The following PCDHGA2 variants were observed in gnomAD, a reference collection of about 807,000 sequenced individuals.
PCDHGA2 encodes protocadherin gamma-A2.
Under a neutral mutation model 59.2 loss-of-function variants are expected in PCDHGA2, and 40 were observed. That is an observed-to-expected ratio of 0.68 (90% CI 0.52 to 0.88). The LOEUF is 0.88. Among genes scored for constraint, PCDHGA2 ranks in the 40% least tolerant of loss-of-function variants. The pLI, the probability that PCDHGA2 is intolerant of heterozygous loss-of-function variation, is 0.00. For missense variants in PCDHGA2, 1,226 were observed against 1,204.0 expected (o/e 1.02, Z -0.27); for synonymous variants, 560 against 526.0 (o/e 1.06, Z -0.89).
chr5:141,374,327 G>C (rs766746841), intron 1 of PCDHGA2: 24 of 1,613,984 alleles, frequency 1.5e-5, no homozygotes, highest in Non-Finnish European at 2.0e-5. Context: ...TCCGCGAAAC[G>C]GCAGCTTGGT....
intron 1 of PCDHGA2, among the ~76,000 whole-genome samples, chr5:141,453,288 ATTAT>A (rs577328880): frequency 4.0e-5 from 6 of 151,342 alleles, no homozygotes; most frequent in Admixed American, 1.3e-4. Context: ...TAATTTTTTA[ATTAT>A]TTATTTATTT....
At chr5:141,400,929 A>G (rs1179035412) in intron 1 of PCDHGA2, among the ~76,000 whole-genome samples, 2 of 152,214 alleles carry the variant, frequency 1.3e-5, no homozygotes, top group Non-Finnish European at 2.9e-5. Flanking sequence ...CTGCTAGTAG[A>G]TGTCTTTCTT....
rs61749024 is a variant in PCDHGA2 at position 141,340,976 on chromosome 5, C to T, written c.2005C>T (p.Pro669Ser). 27,203 of 1,613,832 alleles carry T rather than the reference C, an allele frequency of 0.017. 1,549 individuals are homozygous for T. The highest frequency in any genetic ancestry group is 0.16 in the Admixed American group (9,718 of 60,028). ...TLTVAVADRIPDILADLGSLE... is the reference protein window; with the variant it reads ...TLTVAVADRISDILADLGSLE... The stretch of plus-strand genomic sequence containing the variant: ...CACCGTGGCCGTGGCCGACAGGATC[C>T]CCGACATCCTGGCCGACCTGGGCAG... Residue 669 changes from proline to serine, a missense_variant, in exon 1 of 4, where the codon CCC becomes TCC. Coordinates refer to ENST00000394576, the MANE Select transcript of PCDHGA2 (RefSeq NM_018915.4).
intron 1 of PCDHGA2, among the ~76,000 whole-genome samples, chr5:141,463,721 C>T (rs1012411825): frequency 1.3e-5 from 2 of 152,046 alleles, no homozygotes; most frequent in Non-Finnish European, 2.9e-5. Flanking sequence ...GCTGGGATTA[C>T]AGGCATGAGC....
chr5:141,422,028 A>C, intron 1 of PCDHGA2: 1 of 1,611,196 alleles, frequency 6.2e-7, no homozygotes, highest in Non-Finnish European at 8.5e-7. Flanking sequence ...TGGTTAATGC[A>C]ACGGATCCAG....
At position 141,511,519 on chromosome 5, in the gene PCDHGA2, C is replaced by A; in HGVS notation, c.*346C>A. On this transcript the variant is annotated 3_prime_UTR_variant, in exon 4 of 4. Transcript: ENST00000394576. ...CCAAATCAATCAGGCCCATCCATCC[C>A]ATGCCTCCCTCCTCCCCACCCCACT... 2.7e-6 allele frequency: 1 copy of A among 367,516 alleles called. No individual in the cohort carries two copies. The highest frequency in any genetic ancestry group is 2.7e-5 in the South Asian group (1 of 36,848). 22.8% of individuals were successfully genotyped at this position (367,516 alleles called of 1,614,324 possible). A position where few individuals can be genotyped will look rare whatever the true frequency, so the allele number is the denominator to read the frequency against.
At chr5:141,385,003 T>C (rs1480894446) in intron 1 of PCDHGA2, 1 of 1,614,148 alleles carries the variant, frequency 6.2e-7, no homozygotes, top group South Asian at 1.1e-5. Context: ...CACAGTCTCC[T>C]GCGTCTTCCT....
chr5:141,384,370 T>G (rs769961814), intron 1 of PCDHGA2: 1 of 1,613,926 alleles, frequency 6.2e-7, no homozygotes, highest in South Asian at 1.1e-5. Context: ...CACTTATTCC[T>G]TGGCCGAAGA....
At chr5:141,375,364 A>T (rs771379372) in intron 1 of PCDHGA2, 1 of 1,613,786 alleles carries the variant, frequency 6.2e-7, no homozygotes, top group African/African-American at 1.3e-5. Context: ...CCACGGACAA[A>T]GGAACACCAC....
At position 141,495,662 on chromosome 5, in the gene PCDHGA2, C is replaced by T. The variant is rs545912968; in HGVS notation, c.2483+797C>T. The stretch of plus-strand genomic sequence containing the variant: ...TTTGTCTACTTGCATTGATCTGTGC[C>T]GCCCACTGTGCCTGCCATGGCATAA... On this transcript the variant is annotated intron_variant, in intron 2 of 3. Coordinates refer to ENST00000394576, the MANE Select transcript of PCDHGA2 (RefSeq NM_018915.4). Among the ~76,000 whole-genome samples, 8 of 152,256 alleles carry T rather than the reference C, an allele frequency of 5.3e-5. No individual in the cohort carries two copies. In the South Asian group the frequency reaches 6.2e-4, roughly 12 times the overall value.
chr5:141,375,486 G>C (rs1193457334), intron 1 of PCDHGA2: 1 of 1,613,796 alleles, frequency 6.2e-7, no homozygotes, highest in Non-Finnish European at 8.5e-7. Flanking sequence ...AACCCCAGGG[G>C]TGCCTCCATC....
chr5:141,451,806 A>G (rs145650418), intron 1 of PCDHGA2, among the ~76,000 whole-genome samples: 6,855 of 150,824 alleles, frequency 0.045, 259 homozygotes, highest in African/African-American at 0.1. Context: ...GCTTGAACCC[A>G]GGAGGCGGAG....
At chr5:141,355,789 G>A in intron 1 of PCDHGA2, 2 of 1,613,670 alleles carry the variant, frequency 1.2e-6, no homozygotes, top group Non-Finnish European at 1.7e-6. Context: ...GCTGGTGCTG[G>A]AACGCGCTCT....
At position 141,400,101 on chromosome 5, in the gene PCDHGA2, G is replaced by A. The variant is rs778391200; in HGVS notation, c.2424+58706G>A. The A allele has an allele frequency of 8.1e-6, 13 of 1,613,948 alleles. No homozygotes were observed. The East Asian group carries it at 2.9e-4, about 36-fold the overall frequency. ...TCTCCGCCACCGCCACGCTGCACTT[G>A]GTCTTTGCTGACAGCTTGCAGGAGG... On this transcript the variant is annotated intron_variant, in intron 1 of 3. Coordinates refer to ENST00000394576, the MANE Select transcript of PCDHGA2 (RefSeq NM_018915.4).
At chr5:141,382,824 A>T in intron 1 of PCDHGA2, 4 of 1,326,118 alleles carry the variant, frequency 3.0e-6, no homozygotes, top group Non-Finnish European at 4.1e-6. Context: ...CCTAAGACAG[A>T]GGGGTCCACC....
At chr5:141,384,522 T>G (rs1251146864) in intron 1 of PCDHGA2, 2 of 1,614,074 alleles carry the variant, frequency 1.2e-6, no homozygotes, top group East Asian at 2.2e-5. Context: ...GGGACCCGCC[T>G]CTCAGCAGCA....
chr5:141,467,506 G>A (rs1364362269), intron 1 of PCDHGA2, among the ~76,000 whole-genome samples: 1 of 152,094 alleles, frequency 6.6e-6, no homozygotes, highest in Non-Finnish European at 1.5e-5. Flanking sequence ...TGATCTAATT[G>A]GAGTTTATTC....
intron 1 of PCDHGA2, chr5:141,352,441 C>A: frequency 6.2e-7 from 1 of 1,614,054 alleles, no homozygotes; most frequent in South Asian, 1.1e-5. Flanking sequence ...AAACCGGTCT[C>A]TGCTCCAAGT....
At chr5:141,381,826 C>CTTTTTTTTTTTTTTTTTTTT (rs770630741) in intron 1 of PCDHGA2, among the ~76,000 whole-genome samples, 4 of 74,282 alleles carry the variant, frequency 5.4e-5, no homozygotes, top group Admixed American at 1.9e-4. Context: ...CTTTCTTCTT[C>CTTTTTTTTTTTTTTTTTTTT]TTTTTTTTTT....
Sources: gnomAD v4.1 joint callset for allele counts (sites outside exome capture counted in the v4.1 genomes callset) on GRCh38, gnomAD v4.1.1 for gene constraint, MANE v1.5 for transcripts, NCBI Gene and HGNC (gene_info 2026-07-23, HGNC 2026-07-21) for gene names.